ASIC2: variants seen among roughly 807,000 people sequenced by gnomAD.
The protein encoded by ASIC2 is acid sensing ion channel subunit 2.
Under a neutral mutation model 57.3 loss-of-function variants are expected in ASIC2, and 25 were observed. The ratio of observed to expected loss-of-function variants is 0.44; its 90% CI spans 0.32 to 0.61. The LOEUF is 0.61. Ranked by LOEUF, ASIC2 falls within the 20% of genes least tolerant of loss-of-function variation. The pLI is 0.06. For missense variants in ASIC2, 641 were observed against 738.1 expected (o/e 0.87, Z 1.52); for synonymous variants, 319 against 307.5 (o/e 1.04, Z -0.39).
intron 3 of ASIC2, among the ~76,000 whole-genome samples, chr17:33,074,655 C>T (rs990881095): frequency 1.3e-5 from 2 of 152,144 alleles, no homozygotes; most frequent in African/African-American, 4.8e-5. Context: ...TAGAGCCAGG[C>T]GTTGGTGCAA....
At chr17:33,181,168 G>A (rs1240512834) in intron 1 of ASIC2, among the ~76,000 whole-genome samples, 2 of 152,182 alleles carry the variant, frequency 1.3e-5, no homozygotes, top group African/African-American at 2.4e-5. Flanking sequence ...TAATATTAGA[G>A]TTCTGAGTTC....
intron 1 of ASIC2, among the ~76,000 whole-genome samples, chr17:33,742,427 C>T (rs1910139690): frequency 6.6e-6 from 1 of 152,300 alleles, no homozygotes; most frequent in African/African-American, 2.4e-5. Context: ...ACTGGAAAAG[C>T]ACTGTGTTCG....
intron 1 of ASIC2, among the ~76,000 whole-genome samples, chr17:33,189,763 C>T (rs1373674923): frequency 6.6e-6 from 1 of 151,972 alleles, no homozygotes; most frequent in Non-Finnish European, 1.5e-5. Context: ...AATAATAAAC[C>T]TGTATACCCT....
intron 1 of ASIC2, among the ~76,000 whole-genome samples, chr17:33,376,205 G>A (rs1181498642): frequency 6.6e-6 from 1 of 151,888 alleles, no homozygotes; most frequent in East Asian, 1.9e-4. Context: ...GAGAAGGAGT[G>A]GCCAGTGAGT....
intron 1 of ASIC2, among the ~76,000 whole-genome samples, chr17:33,728,163 C>A (rs1288029069): frequency 2.0e-5 from 3 of 152,142 alleles, no homozygotes; most frequent in African/African-American, 7.2e-5. Context: ...TCTGAAGACT[C>A]CAAGAGGGCT....
intron 1 of ASIC2, among the ~76,000 whole-genome samples, chr17:33,243,724 C>A (rs1301658642): frequency 6.6e-6 from 1 of 152,178 alleles, no homozygotes. Context: ...ATCAAATACT[C>A]TTCTAGGGCT....
At chr17:33,961,939 C>T (rs935272956) in intron 1 of ASIC2, among the ~76,000 whole-genome samples, 1 of 152,196 alleles carries the variant, frequency 6.6e-6, no homozygotes, top group Non-Finnish European at 1.5e-5. Context: ...CTAACACCTA[C>T]AAATCCTTCA....
chr17:34,077,428 C>T (rs1231952722), intron 1 of ASIC2, among the ~76,000 whole-genome samples: 6 of 152,098 alleles, frequency 3.9e-5, no homozygotes, highest in African/African-American at 1.2e-4. Flanking sequence ...CTTTGGTGTC[C>T]GCGGAGGCTG....
rs1598264630 is a variant in ASIC2, at chr17:33,076,133, C to T, written c.987+12730G>A. Among the ~76,000 whole-genome samples, 3 of 152,168 alleles carry T rather than the reference C, an allele frequency of 2.0e-5. No individual in the cohort carries two copies. The South Asian group carries it at 6.2e-4, about 32-fold the overall frequency. On this transcript the variant is annotated intron_variant, in intron 3 of 9. Transcript: ENST00000225823. ...TTTGGGGGAACTGTGGTCTCTAATC[C>T]CAGGTAATTTAAAAAAAAAATTCTA...
intron 1 of ASIC2, among the ~76,000 whole-genome samples, chr17:33,925,631 G>T (rs1194074589): frequency 6.6e-6 from 1 of 152,222 alleles, no homozygotes; most frequent in Non-Finnish European, 1.5e-5. Context: ...CACATTCTGG[G>T]ATTGGGCACC....
At position 33,034,954 on chromosome 17, in the gene ASIC2, T is replaced by C. The variant is rs111584550; in HGVS notation, c.988-6562A>G. 3.6e-3 allele frequency among the ~76,000 whole-genome samples: 552 copies of C among 152,374 alleles called. 5 individuals carry two copies. The highest frequency in any genetic ancestry group is 0.013 in the African/African-American group (527 of 41,598). On this transcript the variant is annotated intron_variant, in intron 3 of 9. Coordinates refer to ENST00000225823, the MANE Select transcript of ASIC2 (RefSeq NM_183377.2). Reference sequence around the variant, plus strand: ...TCTCTCCTTTCAGGGATACCACTTATATGCATGTTGGAGTACTTGACACTG... The same window carrying C: ...TCTCTCCTTTCAGGGATACCACTTACATGCATGTTGGAGTACTTGACACTG...
rs1280773764 is a variant in ASIC2, at chr17:33,558,813, T to C, written c.556-446746A>G. Among the ~76,000 whole-genome samples, 4 of 152,292 alleles carry C rather than the reference T, an allele frequency of 2.6e-5. No homozygotes were observed. In the East Asian group the frequency reaches 5.8e-4, roughly 22 times the overall value. On this transcript the variant is annotated intron_variant, in intron 1 of 9. Coordinates refer to the ASIC2 transcript ENST00000359872. ...ATCCTTACTGTTGTTGTTTTTTTTT[T>C]AGACGGAGTCTGGCTCAATCTCAGC...
intron 1 of ASIC2, among the ~76,000 whole-genome samples, chr17:33,656,734 G>A (rs1907089862): frequency 6.6e-6 from 1 of 152,060 alleles, no homozygotes; most frequent in African/African-American, 2.4e-5. Context: ...CCCCTATGGT[G>A]GGTCTTTATC....
intron 1 of ASIC2, among the ~76,000 whole-genome samples, chr17:33,508,479 C>A (rs1036838576): frequency 6.6e-6 from 1 of 152,128 alleles, no homozygotes; most frequent in East Asian, 1.9e-4. Flanking sequence ...AGCCTGCCTG[C>A]CTAGGGAGGG....
intron 1 of ASIC2, among the ~76,000 whole-genome samples, chr17:33,456,612 A>G (rs963979652): frequency 6.6e-6 from 1 of 152,020 alleles, no homozygotes; most frequent in African/African-American, 2.4e-5. Flanking sequence ...TCTTTTAACT[A>G]TGTGGTGGGT....
At chr17:33,537,959 C>T (rs1400487924) in intron 1 of ASIC2, among the ~76,000 whole-genome samples, 3 of 152,116 alleles carry the variant, frequency 2.0e-5, no homozygotes, top group East Asian at 1.9e-4. Context: ...TTTTTCACTA[C>T]GTGACTTCGG....
At chr17:33,894,196 T>C (rs1915031410) in intron 1 of ASIC2, among the ~76,000 whole-genome samples, 1 of 152,164 alleles carries the variant, frequency 6.6e-6, no homozygotes, top group African/African-American at 2.4e-5. Flanking sequence ...CTTTGCACAA[T>C]TGCTTCCTGC....
chr17:33,291,715 G>T lies in ASIC2; in HGVS notation c.401C>A (p.Thr134Asn). 6.2e-7 allele frequency: 1 copy of T among 1,613,682 alleles called. No individual in the cohort carries two copies. The highest frequency in any genetic ancestry group is 8.5e-7 in the Non-Finnish European group (1 of 1,179,894). ...WSRQLPFPAV[T>N]VCNNNPLRFP... ...GCGCAGCGGGTTGTTGTTGCACACA[G>T]TGACGGCGGGGAAGGGTAACTGGCG... Residue 134 changes from threonine (T) to asparagine (N), a missense_variant, in exon 1 of 10, where the codon ACT becomes AAT. This residue lies in a region of ASIC2 where 382 missense variants were observed against 398.0 expected (regional missense o/e 0.96). Transcript: ENST00000225823.
At chr17:33,497,974 A>T (rs1913988916) in intron 1 of ASIC2, among the ~76,000 whole-genome samples, 1 of 152,260 alleles carries the variant, frequency 6.6e-6, no homozygotes, top group South Asian at 2.1e-4. Context: ...GGGTGGCTAT[A>T]GCCAAGGGAA....
Sources: allele counts gnomAD v4.1 joint callset (sites outside exome capture counted in the v4.1 genomes callset), GRCh38; gene constraint gnomAD v4.1.1; regional missense constraint gnomAD v4.1.1; transcripts MANE v1.5; gene names NCBI Gene and HGNC (gene_info 2026-07-23, HGNC 2026-07-21).